The following ILRUN variants were observed in gnomAD, a reference collection of about 807,000 sequenced individuals.
ILRUN encodes the protein inflammation and lipid regulator with UBA-like and NBR1-like domains.
A neutral mutation model predicts 33.8 loss-of-function variants in ILRUN; 3 were observed. That is an observed-to-expected ratio of 0.09 (90% CI 0.04 to 0.23). The LOEUF is 0.23. Ranked by LOEUF, ILRUN falls within the 10% of genes least tolerant of loss-of-function variation. The probability of loss-of-function intolerance (pLI) is 1.00; values close to 1 mark genes in which losing one functional copy is unlikely to be tolerated. For missense variants in ILRUN, 210 were observed against 375.1 expected, an observed-to-expected ratio of 0.56 and a Z score of 3.64; for synonymous variants, 124 against 138.9, an observed-to-expected ratio of 0.89 and a Z score of 0.75.
chr6:34,665,190 C>A (rs1320686386), intron 1 of ILRUN, among the ~76,000 whole-genome samples: 1 of 148,528 alleles, frequency 6.7e-6, no homozygotes, highest in African/African-American at 2.5e-5. Context: ...CATGGTAGCT[C>A]ACCGCCTATA....
In ILRUN at chr6:34,679,344, A is replaced by G. The variant is rs569201750; in HGVS notation, c.158+17102T>C. On this transcript the variant is annotated intron_variant, in intron 1 of 4. Coordinates refer to ENST00000374023, the MANE Select transcript of ILRUN (RefSeq NM_024294.4). ...AAGACAATTTGGCAATTAAGTATTA[A>G]GAGCATTAAAAGCCATGTTTATATT... is the stretch of plus-strand genomic sequence containing the variant. Among the ~76,000 whole-genome samples, 222 of 152,330 alleles carry G rather than the reference A, an allele frequency of 1.5e-3. 1 individual carries two copies. Among genetic ancestry groups the G allele is most frequent in the African/African-American group, 5.0e-3 (208 of 41,574 alleles).
chr6:34,686,416 C>T (rs564082480), intron 1 of ILRUN, among the ~76,000 whole-genome samples: 1 of 150,998 alleles, frequency 6.6e-6, no homozygotes, highest in South Asian at 2.1e-4. Context: ...AGGAGAATGG[C>T]GTGAACCCAG....
chr6:34,665,449 GAGAC>G (rs1762974403), intron 1 of ILRUN, among the ~76,000 whole-genome samples: 1 of 152,014 alleles, frequency 6.6e-6, no homozygotes, highest in Non-Finnish European at 1.5e-5. Context: ...CTCAAAAAAA[GAGAC>G]AGAGAGAGAA....
At chr6:34,693,167 GA>G (rs959004327) in intron 1 of ILRUN, among the ~76,000 whole-genome samples, 74 of 149,872 alleles carry the variant, frequency 4.9e-4, no homozygotes, top group Admixed American at 2.5e-3. Flanking sequence ...TCTTTCATAA[GA>G]AAAAAAAATG....
intron 2 of ILRUN, 70 bp downstream of exon 2, chr6:34,654,555 C>T: frequency 6.8e-7 from 1 of 1,475,634 alleles, no homozygotes; most frequent in Non-Finnish European, 9.1e-7. Flanking sequence ...TAAGCTAAAA[C>T]ATTTCCTTCT....
chr6:34,634,491 C>T (rs1762314484), intron 3 of ILRUN, among the ~76,000 whole-genome samples: 1 of 151,834 alleles, frequency 6.6e-6, no homozygotes, highest in African/African-American at 2.4e-5. Flanking sequence ...TAAAATTGAA[C>T]ACAGAATAGA....
chr6:34,601,088 T>A (rs1761497706), intron 4 of ILRUN, among the ~76,000 whole-genome samples: 1 of 152,186 alleles, frequency 6.6e-6, no homozygotes, highest in Admixed American at 6.6e-5. Context: ...GAGCCTATTG[T>A]CTCTGCGGAA....
chr6:34,656,548 G>T (rs749115999), intron 1 of ILRUN, among the ~76,000 whole-genome samples: 1 of 152,054 alleles, frequency 6.6e-6, no homozygotes, highest in Admixed American at 6.6e-5. Flanking sequence ...CACTTCCCAC[G>T]CTATGTAACA....
intron 4 of ILRUN, among the ~76,000 whole-genome samples, chr6:34,599,375 C>A (rs371090567): frequency 4.2e-4 from 64 of 152,232 alleles, no homozygotes; most frequent in Non-Finnish European, 7.6e-4. Context: ...TCTAACTATG[C>A]CAGAGGTTCA....
At chr6:34,600,402 C>G (rs1761485171) in intron 4 of ILRUN, among the ~76,000 whole-genome samples, 1 of 152,192 alleles carries the variant, frequency 6.6e-6, no homozygotes, top group African/African-American at 2.4e-5. Context: ...ATAGGCTTTA[C>G]AGAAACAAAA....
chr6:34,615,595 T>TAAACAA lies in ILRUN; in HGVS notation c.512-8697_512-8692dup, dbSNP rs1013071808. On this transcript the variant is annotated intron_variant, in intron 3 of 4. Transcript: ENST00000374023. ...TGGGACACAGAGCGAGACTCCATCTTAAACAAAAACAAAAACAAAAACTGC... is the reference window on the plus strand; with the variant it reads ...TGGGACACAGAGCGAGACTCCATCTTAAACAAAAACAAAAACAAAAACAAAAACTGC... Among the ~76,000 whole-genome samples, 9 of 152,128 alleles carry TAAACAA rather than the reference T, an allele frequency of 5.9e-5. No individual in the cohort carries two copies. The South Asian group carries it at 1.2e-3, about 21-fold the overall frequency.
intron 2 of ILRUN, among the ~76,000 whole-genome samples, chr6:34,653,132 CAAAAAAAA>C (rs947213125): frequency 1.4e-4 from 7 of 51,592 alleles, no homozygotes; most frequent in African/African-American, 3.7e-4. Flanking sequence ...GACCTTGTCT[CAAAAAAAA>C]AAAAAAAAAA....
At chr6:34,614,457 A>AT (rs1309059164) in intron 3 of ILRUN, among the ~76,000 whole-genome samples, 3 of 134,000 alleles carry the variant, frequency 2.2e-5, no homozygotes, top group African/African-American at 6.2e-5. Flanking sequence ...TATATATATA[A>AT]AATGTATATT....
intron 1 of ILRUN, chr6:34,686,734 A>C (rs886248730): frequency 4.0e-5 from 8 of 198,490 alleles, no homozygotes; most frequent in Non-Finnish European, 6.4e-5. Flanking sequence ...TTTGGGAGGC[A>C]GAGGCGGGCG....
chr6:34,602,908 A>G (rs887248155), intron 4 of ILRUN, among the ~76,000 whole-genome samples: 1 of 152,042 alleles, frequency 6.6e-6, no homozygotes, highest in African/African-American at 2.4e-5. Flanking sequence ...GCTGGGAAGG[A>G]CTCCAGGGTG....
Position 34,590,266 on chromosome 6 carries a change from T to C in ILRUN, c.*299A>G, listed in dbSNP as rs1271593649. 12 of 225,744 alleles carry C rather than the reference T, an allele frequency of 5.3e-5. No homozygotes were observed. Among genetic ancestry groups the C allele is most frequent in the Non-Finnish European group, 1.0e-4 (12 of 116,004 alleles). The allele number at this position is 225,744 out of a possible 1,614,324, so 14.0% of individuals were successfully genotyped here. A position where few individuals can be genotyped will look rare whatever the true frequency, so the allele number is the denominator to read the frequency against. On this transcript the variant is annotated 3_prime_UTR_variant, in exon 5 of 5. Transcript: ENST00000374023. ...TTTTTTTCCCCCATTTTAAACTTTT[T>C]CCCCCTTCCCGAGTGACCTAATGAC...
intron 4 of ILRUN, among the ~76,000 whole-genome samples, chr6:34,599,306 T>C (rs992813805): frequency 1.2e-4 from 19 of 152,204 alleles, no homozygotes; most frequent in African/African-American, 4.3e-4. Context: ...AAAGGTACTG[T>C]GGATAGTATG....
chr6:34,689,914 C>T (rs974443421), intron 1 of ILRUN, among the ~76,000 whole-genome samples: 22 of 151,998 alleles, frequency 1.4e-4, no homozygotes, highest in African/African-American at 5.3e-4. Context: ...CACACTGCTC[C>T]CTGAAGATAC....
At chr6:34,640,729 G>A (rs1329135990) in intron 3 of ILRUN, among the ~76,000 whole-genome samples, 1 of 127,318 alleles carries the variant, frequency 7.9e-6, no homozygotes. Flanking sequence ...ATGAATGAAT[G>A]AATGAATGAA....
Sources: gnomAD v4.1 joint callset for allele counts (sites outside exome capture counted in the v4.1 genomes callset) on GRCh38, gnomAD v4.1.1 for gene constraint, MANE v1.5 for transcripts, NCBI Gene and HGNC (gene_info 2026-07-23, HGNC 2026-07-21) for gene names.